Variants in GPM6A observed in about 807,000 individuals in gnomAD.
GPM6A encodes the protein neuronal membrane glycoprotein M6-a.
In GPM6A, 7 loss-of-function variants were observed where a neutral mutation model predicts 32.1. The observed-to-expected ratio is 0.22, with a 90% CI of 0.12 to 0.41. The LOEUF (loss-of-function observed/expected upper bound fraction) is 0.41, where lower values mean the gene tolerates loss of function less well. GPM6A is among the 10% of genes least tolerant of loss of function. GPM6A has a pLI of 1.00. For missense variants in GPM6A, 235 were observed against 347.2 expected (o/e 0.68, Z 2.57); for synonymous variants, 130 against 123.4 (o/e 1.05, Z -0.35).
rs571890462 is a variant in GPM6A at position 175,996,954 on chromosome 4, T to G, written c.-23+5355A>C. Among the ~76,000 whole-genome samples the G allele has an allele frequency of 2.0e-5, 3 of 152,000 alleles. 1 individual carries two copies. The highest frequency in any genetic ancestry group is 1.9e-4 in the East Asian group (1 of 5,164). On this transcript the variant is annotated intron_variant, in intron 1 of 7. Coordinates refer to the GPM6A transcript ENST00000280187. ...AGAATCTTTGCAGCTTCTGCTTGGG[T>G]TTTTTGGAACATTCATTCTTGGGAT...
At chr4:175,949,709 G>A (rs1226472197) in intron 1 of GPM6A, among the ~76,000 whole-genome samples, 2 of 152,142 alleles carry the variant, frequency 1.3e-5, no homozygotes, top group African/African-American at 4.8e-5. Context: ...TACTTTCAGA[G>A]TCCTCAGAAG....
At chr4:175,969,821 A>T (rs7668242) in intron 1 of GPM6A, among the ~76,000 whole-genome samples, 12,397 of 152,264 alleles carry the variant, frequency 0.081, 759 homozygotes, top group South Asian at 0.18. Flanking sequence ...GTGTGGAGGG[A>T]TGCAGGGTAA....
intron 2 of GPM6A, among the ~76,000 whole-genome samples, chr4:175,699,531 G>T (rs1372651785): frequency 6.6e-6 from 1 of 152,086 alleles, no homozygotes; most frequent in Admixed American, 6.5e-5. Flanking sequence ...ATTCCCATTT[G>T]TCATGACCTT....
At chr4:175,649,400 T>G (rs1741652711) in intron 4 of GPM6A, among the ~76,000 whole-genome samples, 1 of 152,248 alleles carries the variant, frequency 6.6e-6, no homozygotes, top group Non-Finnish European at 1.5e-5. Flanking sequence ...TAAGAAGGTC[T>G]ATTTATCTTT....
At chr4:175,974,759 G>A (rs1329505566) in intron 1 of GPM6A, among the ~76,000 whole-genome samples, 1 of 147,840 alleles carries the variant, frequency 6.8e-6, no homozygotes, top group Non-Finnish European at 1.5e-5. Flanking sequence ...CTCGGCTCAC[G>A]GCAGCCTCAA....
intron 1 of GPM6A, among the ~76,000 whole-genome samples, chr4:175,738,473 A>G (rs1057291523): frequency 1.3e-5 from 2 of 152,046 alleles, no homozygotes; most frequent in East Asian, 1.9e-4. Flanking sequence ...TCTTAAAACC[A>G]TCCCAAGCAA....
intron 1 of GPM6A, among the ~76,000 whole-genome samples, chr4:175,756,667 TAGA>T (rs1732539619): frequency 6.6e-6 from 1 of 152,086 alleles, no homozygotes; most frequent in Non-Finnish European, 1.5e-5. Context: ...ATGTGTAATC[TAGA>T]AGAAGATCTC....
chr4:175,872,398 G>A (rs972125737), intron 1 of GPM6A, among the ~76,000 whole-genome samples: 7 of 152,174 alleles, frequency 4.6e-5, no homozygotes, highest in Non-Finnish European at 1.0e-4. Context: ...CTTTCTGTCT[G>A]AGGCATCAGC....
intron 1 of GPM6A, among the ~76,000 whole-genome samples, chr4:175,733,329 CT>C (rs1731514167): frequency 6.6e-6 from 1 of 151,898 alleles, no homozygotes; most frequent in East Asian, 1.9e-4. Flanking sequence ...CAGTGAAATC[CT>C]GTCACTACTA....
At chr4:175,977,528 T>G (rs1165019409) in intron 1 of GPM6A, among the ~76,000 whole-genome samples, 1 of 152,224 alleles carries the variant, frequency 6.6e-6, no homozygotes, top group Non-Finnish European at 1.5e-5. Context: ...CATACTATAT[T>G]CTTCCTAATA....
At chr4:175,708,894 C>T (rs963603985) in intron 1 of GPM6A, among the ~76,000 whole-genome samples, 4 of 152,150 alleles carry the variant, frequency 2.6e-5, no homozygotes, top group Non-Finnish European at 5.9e-5. Context: ...GGAGAGTCTG[C>T]ATAAAGTTGT....
rs562679730 is a variant in GPM6A, at chr4:175,696,061, TGA to T, written c.230+5512_230+5513del. The stretch of plus-strand genomic sequence containing the variant: ...AGCATGAAAGTAGGTATTAAAACTG[TGA>T]GTCAGTTTCAGAGTAGATGTCATTA... On this transcript the variant is annotated intron_variant, in intron 2 of 6. Transcript: ENST00000393658. Among the ~76,000 whole-genome samples the T allele has an allele frequency of 2.2e-4, 34 of 152,248 alleles. 1 individual carries two copies. The highest frequency in any genetic ancestry group is 7.7e-4 in the African/African-American group (32 of 41,542).
intron 1 of GPM6A, among the ~76,000 whole-genome samples, chr4:175,826,170 A>C (rs1735429739): frequency 6.7e-6 from 1 of 149,016 alleles, no homozygotes; most frequent in Non-Finnish European, 1.5e-5. Context: ...AAAACAAACA[A>C]ACAAACAAAA....
chr4:175,837,210 A>AT (rs1735796619), intron 1 of GPM6A, among the ~76,000 whole-genome samples: 1 of 152,118 alleles, frequency 6.6e-6, no homozygotes, highest in African/African-American at 2.4e-5. Context: ...GAATACAGGG[A>AT]ACCTCTAGAA....
At chr4:175,778,638 AAAAAAAAAAAAAG>A (rs1733492537) in intron 1 of GPM6A, among the ~76,000 whole-genome samples, 1 of 148,788 alleles carries the variant, frequency 6.7e-6, no homozygotes, top group Admixed American at 6.7e-5. Context: ...AAAAAAAAAA[AAAAAAAAAAAAAG>A]AAAAAGAAAA....
intron 1 of GPM6A, among the ~76,000 whole-genome samples, chr4:175,872,027 T>C (rs950786826): frequency 6.6e-6 from 1 of 152,180 alleles, no homozygotes. Context: ...AATCTCTCTA[T>C]GGTTTTTTTC....
chr4:175,637,323 TATATTATATATTA>T (rs1401109248), intron 6 of GPM6A, among the ~76,000 whole-genome samples: 2 of 85,700 alleles, frequency 2.3e-5, no homozygotes, highest in Non-Finnish European at 4.2e-5. Context: ...ATATAAAATA[TATATTATATATTA>T]TATATTATAT....
intron 1 of GPM6A, among the ~76,000 whole-genome samples, chr4:175,991,604 T>G (rs1048204311): frequency 3.9e-5 from 6 of 152,190 alleles, no homozygotes; most frequent in Non-Finnish European, 7.3e-5. Flanking sequence ...TAATAAAAAC[T>G]ATCTACTAAA....
At chr4:175,824,273 G>T (rs936137442) in intron 1 of GPM6A, among the ~76,000 whole-genome samples, 1 of 152,138 alleles carries the variant, frequency 6.6e-6, no homozygotes, top group Non-Finnish European at 1.5e-5. Context: ...ATTTTCGAAT[G>T]AACCTGCAGA....
Sources: allele counts gnomAD v4.1 joint callset (sites outside exome capture counted in the v4.1 genomes callset), GRCh38; gene constraint gnomAD v4.1.1; transcripts MANE v1.5; gene names NCBI Gene and HGNC (gene_info 2026-07-23, HGNC 2026-07-21).